Variants in GRK4 observed in about 807,000 individuals in gnomAD.
GRK4 encodes G protein-coupled receptor kinase 2-like.
Under a neutral mutation model 77.9 loss-of-function variants are expected in GRK4, and 73 were observed. The ratio of observed to expected loss-of-function variants is 0.94; its 90% CI spans 0.78 to 1.14. The LOEUF is 1.14. Ranked by LOEUF, GRK4 falls within the 50% of genes most tolerant of loss-of-function variation. GRK4 has a pLI of 0.00. For missense variants in GRK4, 729 were observed against 700.2 expected (o/e 1.04, Z -0.46); for synonymous variants, 257 against 254.4 (o/e 1.01, Z -0.10).
At chr4:3,013,892 A>G (rs539786932) in intron 8 of GRK4, 64 bp downstream of exon 8, 9 of 1,499,330 alleles carry the variant, frequency 6.0e-6, no homozygotes, top group Middle Eastern at 1.8e-4. Context: ...GTCAGCCGAC[A>G]TGCCGCTCAG....
intron 4 of GRK4, among the ~76,000 whole-genome samples, chr4:2,999,220 A>G (rs532668947): frequency 6.6e-6 from 1 of 152,208 alleles, no homozygotes; most frequent in African/African-American, 2.4e-5. Flanking sequence ...TCATCCATGC[A>G]GAAGAATACG....
intron 12 of GRK4, among the ~76,000 whole-genome samples, chr4:3,030,899 C>T (rs564734092): frequency 5.9e-5 from 9 of 152,240 alleles, no homozygotes; most frequent in African/African-American, 1.7e-4. Context: ...CTGGGCTTGC[C>T]GGCCACTGGG....
chr4:3,012,332 A>G (rs1211227233), intron 7 of GRK4, among the ~76,000 whole-genome samples: 1 of 152,226 alleles, frequency 6.6e-6, no homozygotes, highest in Non-Finnish European at 1.5e-5. Flanking sequence ...CTATTTTACA[A>G]TACGAGACCA....
At position 3,027,785 on chromosome 4, in the gene GRK4, G is replaced by C. The variant is rs533780921; in HGVS notation, c.971-127G>C. 1.0e-4 allele frequency: 71 copies of C among 705,086 alleles called. 1 individual carries two copies. The South Asian group carries it at 1.3e-3, about 13-fold the overall frequency. The allele number at this position is 705,086 out of a possible 1,614,324, so 43.7% of individuals were successfully genotyped here. On this transcript the variant is annotated intron_variant, in intron 10 of 15. Coordinates refer to ENST00000398052, the MANE Select transcript of GRK4 (RefSeq NM_182982.3). ...AGTTAAATGCCATTTTACGTTTACT[G>C]TTCCAGAGTATGAAATGCTATTATT... is the stretch of plus-strand genomic sequence containing the variant.
chr4:2,972,214 G>C (rs1719766872), intron 1 of GRK4, among the ~76,000 whole-genome samples: 1 of 152,140 alleles, frequency 6.6e-6, no homozygotes, highest in African/African-American at 2.4e-5. Flanking sequence ...AACCCAGTAT[G>C]CTGCCCAGAC....
chr4:3,016,067 C>A lies in GRK4; in HGVS notation c.741+2239C>A, dbSNP rs573209589. 5.8e-4 allele frequency among the ~76,000 whole-genome samples: 88 copies of A among 151,430 alleles called. 1 individual carries two copies. The South Asian group carries it at 0.018, about 31-fold the overall frequency. ...GGTTTTACAGGTGCCCACCACCACACCCAGCTAATTTTTTGTATTATTAGT... is the reference window on the plus strand; with the variant it reads ...GGTTTTACAGGTGCCCACCACCACAACCAGCTAATTTTTTGTATTATTAGT... On this transcript the variant is annotated intron_variant, in intron 8 of 15. Coordinates refer to ENST00000398052, the MANE Select transcript of GRK4 (RefSeq NM_182982.3).
intron 8 of GRK4, 151 bp downstream of exon 8, chr4:3,013,979 T>C (rs945543029): frequency 6.3e-6 from 5 of 795,006 alleles, no homozygotes; most frequent in Non-Finnish European, 9.4e-6. Flanking sequence ...TTAGTAACAG[T>C]TTTGTTTTTA....
chr4:2,980,144 C>T (rs1722459637), intron 1 of GRK4, among the ~76,000 whole-genome samples: 1 of 152,180 alleles, frequency 6.6e-6, no homozygotes, highest in Non-Finnish European at 1.5e-5. Flanking sequence ...TACCCAGAGC[C>T]TGGACAGTGC....
At chr4:3,034,083 C>T (rs1560504672) in intron 12 of GRK4, among the ~76,000 whole-genome samples, 1 of 152,154 alleles carries the variant, frequency 6.6e-6, no homozygotes, top group Non-Finnish European at 1.5e-5. Context: ...GCAAGAAATA[C>T]TTGTCATCGA....
At chr4:2,973,998 C>G (rs1420202342) in intron 1 of GRK4, among the ~76,000 whole-genome samples, 3 of 152,068 alleles carry the variant, frequency 2.0e-5, no homozygotes, top group Non-Finnish European at 4.4e-5. Context: ...ATTTCCTGAC[C>G]ACTACCCCTT....
intron 11 of GRK4, 143 bp downstream of exon 11, chr4:3,028,144 C>A: frequency 1.4e-6 from 1 of 698,656 alleles, no homozygotes; most frequent in Non-Finnish European, 2.5e-6. Context: ...GAATCTCTAA[C>A]CTGTCAGAGT....
intron 12 of GRK4, among the ~76,000 whole-genome samples, chr4:3,032,701 T>G (rs1188708575): frequency 6.6e-6 from 1 of 152,206 alleles, no homozygotes; most frequent in Non-Finnish European, 1.5e-5. Flanking sequence ...ATTTATGAAA[T>G]GTAGATGAGA....
chr4:2,964,312 G>C (rs913807412), intron 1 of GRK4, among the ~76,000 whole-genome samples, 190 bp downstream of exon 1: 3 of 152,196 alleles, frequency 2.0e-5, no homozygotes, highest in African/African-American at 7.2e-5. Context: ...TGGTCAGGCT[G>C]CCCGGGCCAG....
chr4:2,996,078 T>C (rs1295284430), intron 4 of GRK4, among the ~76,000 whole-genome samples: 2 of 152,136 alleles, frequency 1.3e-5, no homozygotes, highest in Admixed American at 1.3e-4. Context: ...ACCTTTTTTT[T>C]TTTTCCCCCT....
chr4:3,028,214 C>T (rs1056353522), intron 11 of GRK4, among the ~76,000 whole-genome samples: 12 of 152,126 alleles, frequency 7.9e-5, no homozygotes, highest in Admixed American at 2.6e-4. Context: ...AGGGGTGAGG[C>T]CTGAGAGGTT....
chr4:2,973,743 CCT>C (rs1720285200), intron 1 of GRK4, among the ~76,000 whole-genome samples: 3 of 152,276 alleles, frequency 2.0e-5, no homozygotes, highest in South Asian at 2.1e-4. Flanking sequence ...GCCTTTTCCC[CCT>C]GACAGCCCGT....
intron 9 of GRK4, among the ~76,000 whole-genome samples, chr4:3,021,741 A>C (rs1736148516): frequency 6.6e-6 from 1 of 152,198 alleles, no homozygotes; most frequent in South Asian, 2.1e-4. Flanking sequence ...CTCCTGGAGT[A>C]AATCACACTT....
chr4:3,037,511 G>A lies in GRK4; in HGVS notation c.1545G>A (p.Glu515=). Residue 515 remains glutamate (E), a splice_region_variant and synonymous_variant, in exon 14 of 16, where the codon GAG becomes GAA. Coordinates refer to ENST00000398052, the MANE Select transcript of GRK4 (RefSeq NM_182982.3). ...TGCVSIPWQN[E]MIESGCFKDI... is the part of the protein sequence containing the mutation. ...GTGTCTCCATCCCCTGGCAGAATGA[G>A]GTACTGCCCTTCCAGCACAGCCGCT... 6.2e-7 allele frequency: 1 copy of A among 1,600,360 alleles called. No homozygotes were observed. The highest frequency in any genetic ancestry group is 8.6e-7 in the Non-Finnish European group (1 of 1,168,774).
intron 10 of GRK4, among the ~76,000 whole-genome samples, chr4:3,023,834 C>T (rs1031734956): frequency 2.6e-4 from 39 of 152,240 alleles, no homozygotes; most frequent in African/African-American, 8.9e-4. Context: ...GAACAGGGTA[C>T]GGTGCAGAGT....
Sources: gnomAD v4.1 joint callset for allele counts (sites outside exome capture counted in the v4.1 genomes callset) on GRCh38, gnomAD v4.1.1 for gene constraint, MANE v1.5 for transcripts, NCBI Gene and HGNC (gene_info 2026-07-23, HGNC 2026-07-21) for gene names.